IGSF10: variants seen among roughly 807,000 people sequenced by gnomAD.
The protein encoded by IGSF10 is immunoglobulin superfamily member 10.
A neutral mutation model predicts 128.2 loss-of-function variants in IGSF10; 126 were observed. That is an observed-to-expected ratio of 0.98 (90% CI 0.85 to 1.14). The LOEUF (loss-of-function observed/expected upper bound fraction) is 1.14. Ranked by LOEUF, IGSF10 falls within the 50% of genes most tolerant of loss-of-function variation. IGSF10 has a pLI of 0.00. For missense variants in IGSF10, 3,295 were observed against 3,149.8 expected, an observed-to-expected ratio of 1.05 and a Z score of -1.10; for synonymous variants, 1,185 against 1,146.2, an observed-to-expected ratio of 1.03 and a Z score of -0.68.
chr3:151,436,103 A>T (rs1157378445), downstream of IGSF10: 1 of 152,278 alleles, frequency 6.6e-6, no homozygotes, highest in Non-Finnish European at 1.5e-5. Context: ...GTGAGCCTGC[A>T]TTTATTTTTA....
chr3:151,589,938 C>G, the IGSF10 span, among the ~76,000 whole-genome samples: 2 of 151,870 alleles, frequency 1.3e-5, no homozygotes, highest in Non-Finnish European at 2.9e-5. Flanking sequence ...AACTTTTGCC[C>G]TTTGAAAGAA....
At chr3:151,580,073 C>T in the IGSF10 span, among the ~76,000 whole-genome samples, 42 of 152,194 alleles carry the variant, frequency 2.8e-4, no homozygotes, top group Admixed American at 1.6e-3. Flanking sequence ...CCAAGCACCA[C>T]GGCTCACACC....
the IGSF10 span, among the ~76,000 whole-genome samples, chr3:151,604,591 TAA>T: frequency 9.7e-6 from 1 of 102,906 alleles, no homozygotes. Context: ...TGTACCAATA[TAA>T]CACACACACA....
At chr3:151,495,978 GGTCAAA>G in the IGSF10 span, among the ~76,000 whole-genome samples, 1 of 152,008 alleles carries the variant, frequency 6.6e-6, no homozygotes, top group Non-Finnish European at 1.5e-5. Flanking sequence ...TAATGCTACT[GGTCAAA>G]GTCAACCTAT....
the IGSF10 span, among the ~76,000 whole-genome samples, chr3:151,541,938 T>C: frequency 6.6e-6 from 1 of 152,198 alleles, no homozygotes; most frequent in Non-Finnish European, 1.5e-5. Context: ...GCATGACCAA[T>C]GTTCTTAACA....
At chr3:151,604,128 G>A in the IGSF10 span, among the ~76,000 whole-genome samples, 1 of 151,794 alleles carries the variant, frequency 6.6e-6, no homozygotes, top group East Asian at 1.9e-4. Flanking sequence ...ATACTATATA[G>A]AATACTTTAA....
At chr3:151,498,314 G>T in the IGSF10 span, among the ~76,000 whole-genome samples, 1 of 152,064 alleles carries the variant, frequency 6.6e-6, no homozygotes, top group Non-Finnish European at 1.5e-5. Context: ...GTTTGTCATA[G>T]ATAGCTCTCA....
upstream of IGSF10, among the ~76,000 whole-genome samples, chr3:151,462,218 T>C (rs1722088317): frequency 6.6e-6 from 1 of 152,212 alleles, no homozygotes; most frequent in Non-Finnish European, 1.5e-5. Context: ...AAGCTTTTGA[T>C]GACAATTTGC....
At chr3:151,537,397 T>C in the IGSF10 span, among the ~76,000 whole-genome samples, 2 of 152,146 alleles carry the variant, frequency 1.3e-5, no homozygotes, top group African/African-American at 4.8e-5. Flanking sequence ...TAGAGAAATA[T>C]TGATGAGGTT....
chr3:151,530,303 C>T, the IGSF10 span, among the ~76,000 whole-genome samples: 1 of 151,972 alleles, frequency 6.6e-6, no homozygotes, highest in African/African-American at 2.4e-5. Flanking sequence ...AGGATATTAT[C>T]CAGGAGAACT....
the IGSF10 span, among the ~76,000 whole-genome samples, chr3:151,493,542 T>C: frequency 0.86 from 130,408 of 152,174 alleles, 56,098 homozygotes; most frequent in Middle Eastern, 0.95. Context: ...GTGTTGCAGT[T>C]GCCTGCAGTA....
chr3:151,470,912 C>T, the IGSF10 span, among the ~76,000 whole-genome samples: 1 of 152,190 alleles, frequency 6.6e-6, no homozygotes, highest in African/African-American at 2.4e-5. Flanking sequence ...TCTCCTATCT[C>T]CTTCTAATCT....
At chr3:151,549,753 A>G in the IGSF10 span, among the ~76,000 whole-genome samples, 2 of 152,206 alleles carry the variant, frequency 1.3e-5, no homozygotes, top group African/African-American at 4.8e-5. Context: ...TATGTACTCA[A>G]TCTACCTTCT....
upstream of IGSF10, among the ~76,000 whole-genome samples, chr3:151,463,843 A>G (rs1036444102): frequency 6.6e-6 from 1 of 151,966 alleles, no homozygotes; most frequent in Non-Finnish European, 1.5e-5. Context: ...AAAAAGCCTT[A>G]TATTTTCTAT....
At chr3:151,485,910 C>T in the IGSF10 span, among the ~76,000 whole-genome samples, 1 of 152,098 alleles carries the variant, frequency 6.6e-6, no homozygotes, top group Non-Finnish European at 1.5e-5. Flanking sequence ...GCAAAATAAC[C>T]AGCTAGCATC....
rs888937732 is a variant in IGSF10, at chr3:151,447,656, G to A, written c.2325C>T (p.Thr775=). Residue 775 remains threonine, a synonymous_variant, in exon 6 of 8, where the codon ACC becomes ACT. Transcript: ENST00000282466. ...TGACCACTGGGGGTGGGCTCACTGT[G>A]GTATTTTCTCGCTTGTCTGGCATAG... ...KNAMPDKREN[T]TVSPPPVVTQ... The A allele has an allele frequency of 8.1e-6, 13 of 1,613,946 alleles. No homozygotes were observed. The highest frequency in any genetic ancestry group is 1.1e-5 in the Non-Finnish European group (13 of 1,180,018).
At chr3:151,595,044 C>A in the IGSF10 span, among the ~76,000 whole-genome samples, 1 of 151,842 alleles carries the variant, frequency 6.6e-6, no homozygotes, top group Non-Finnish European at 1.5e-5. Context: ...CAGAGAAATG[C>A]AAATCAAAAC....
At chr3:151,617,320 C>CCTCCT in the IGSF10 span, among the ~76,000 whole-genome samples, 227 of 83,608 alleles carry the variant, frequency 2.7e-3, 5 homozygotes, top group South Asian at 6.5e-3. Context: ...CTTCTTCTTC[C>CCTCCT]CCTCCTCCTC....
At chr3:151,495,617 T>G in the IGSF10 span, among the ~76,000 whole-genome samples, 1 of 151,996 alleles carries the variant, frequency 6.6e-6, no homozygotes, top group Admixed American at 6.6e-5. Flanking sequence ...ATAACAAGCA[T>G]CCCAAATGAC....
Sources: allele counts gnomAD v4.1 joint callset (sites outside exome capture counted in the v4.1 genomes callset), GRCh38; gene constraint gnomAD v4.1.1; transcripts MANE v1.5; gene names NCBI Gene and HGNC (gene_info 2026-07-23, HGNC 2026-07-21).